ITGA8: variants seen among roughly 807,000 people sequenced by gnomAD.
The protein encoded by ITGA8 is integrin subunit alpha 8.
In ITGA8, 91 loss-of-function variants were observed where a neutral mutation model predicts 142.3. That is an observed-to-expected ratio of 0.64 (90% CI 0.54 to 0.76). ITGA8 has a LOEUF of 0.76. ITGA8 is among the 30% of genes least tolerant of loss of function. The probability of loss-of-function intolerance (pLI) is 0.00; values close to 1 mark genes in which losing one functional copy is unlikely to be tolerated. For synonymous variants in ITGA8, 505 were observed against 485.2 expected (o/e 1.04, Z -0.54); for missense variants, 1,406 against 1,327.7 (o/e 1.06, Z -0.92).
chr10:15,676,879 G>A (rs1421841770), intron 6 of ITGA8, among the ~76,000 whole-genome samples: 4 of 152,006 alleles, frequency 2.6e-5, no homozygotes, highest in African/African-American at 7.2e-5. Context: ...CATGGTGGTG[G>A]GAACTTGTAT....
intron 25 of ITGA8, among the ~76,000 whole-genome samples, chr10:15,564,150 G>A (rs1834033004): frequency 6.6e-6 from 1 of 152,166 alleles, no homozygotes; most frequent in Admixed American, 6.5e-5. Context: ...TTGTGACACA[G>A]TTTTACAAAT....
chr10:15,610,082 A>C (rs1326267271), intron 15 of ITGA8, among the ~76,000 whole-genome samples: 1 of 152,114 alleles, frequency 6.6e-6, no homozygotes, highest in Admixed American at 6.6e-5. Context: ...CAAATGGATG[A>C]CTTTAACTTT....
At chr10:15,624,450 C>T (rs1184948395) in intron 13 of ITGA8, among the ~76,000 whole-genome samples, 1 of 152,138 alleles carries the variant, frequency 6.6e-6, no homozygotes, top group Non-Finnish European at 1.5e-5. Context: ...ATGTACAATC[C>T]AGGACTCTGC....
chr10:15,675,376 C>CTCCCTTACCACCTTTCT (rs1250373421), intron 6 of ITGA8, among the ~76,000 whole-genome samples: 7 of 152,212 alleles, frequency 4.6e-5, no homozygotes, highest in Non-Finnish European at 8.8e-5. Flanking sequence ...GTCAGAAACA[C>CTCCCTTACCACCTTTCT]TCCCTTACCA....
chr10:15,543,847 G>C (rs1833619572), intron 27 of ITGA8, among the ~76,000 whole-genome samples: 1 of 152,126 alleles, frequency 6.6e-6, no homozygotes, highest in Non-Finnish European at 1.5e-5. Context: ...GACTGTACTG[G>C]GATTAGGGTG....
intron 19 of ITGA8, among the ~76,000 whole-genome samples, chr10:15,605,390 C>T (rs1299958616): frequency 6.6e-6 from 1 of 151,748 alleles, no homozygotes; most frequent in Non-Finnish European, 1.5e-5. Context: ...TAGATGGAAC[C>T]TGCCTGTCTG....
In ITGA8 at chr10:15,719,614, T is replaced by C. The variant is rs1013453104; in HGVS notation, c.158A>G (p.Lys53Arg). The C allele has an allele frequency of 2.6e-6, 4 of 1,561,536 alleles. No homozygotes were observed. In the African/African-American group the frequency reaches 5.7e-5, roughly 22 times the overall value. The change falls in exon 1 of 30, where the codon AAG becomes AGG. Residue 53 changes from lysine (K) to arginine (R), a missense_variant. Lys to Arg is a conservative substitution (Grantham distance 26). Transcript: ENST00000378076. ...VEKLTVYSGP[K>R]GSYFGYAVDF... is the part of the protein sequence containing the mutation. ...CACGGCGTAGCCGAAGTAGCTGCCC[T>C]TGGGGCCGCTGTACACTGTGAGCTT...
chr10:15,579,045 T>G lies in ITGA8; in HGVS notation c.2373-3451A>C, dbSNP rs541307010. Among the ~76,000 whole-genome samples, 160 of 152,234 alleles carry G rather than the reference T, an allele frequency of 1.1e-3. 1 individual carries two copies. Among genetic ancestry groups the G allele is most frequent in the African/African-American group, 3.7e-3 (155 of 41,564 alleles). On this transcript the variant is annotated intron_variant, in intron 23 of 29. Coordinates refer to ENST00000378076, the MANE Select transcript of ITGA8 (RefSeq NM_003638.3). ...CTGCTTAAAATAATGCATGATAAATTACATCAGAATAAACACCATGGACCA... is the reference window on the plus strand; with the variant it reads ...CTGCTTAAAATAATGCATGATAAATGACATCAGAATAAACACCATGGACCA...
At chr10:15,592,634 T>A (rs1431439242) in intron 21 of ITGA8, among the ~76,000 whole-genome samples, 2 of 152,236 alleles carry the variant, frequency 1.3e-5, no homozygotes, top group Non-Finnish European at 2.9e-5. Flanking sequence ...AGACAGGGTC[T>A]CGCTCCGTCA....
intron 25 of ITGA8, among the ~76,000 whole-genome samples, chr10:15,569,480 G>A (rs1254107825): frequency 1.3e-5 from 2 of 152,182 alleles, no homozygotes; most frequent in African/African-American, 2.4e-5. Context: ...AGTAAGATTG[G>A]ATACTGGAAT....
intron 13 of ITGA8, among the ~76,000 whole-genome samples, chr10:15,629,369 T>C (rs1833643394): frequency 6.6e-6 from 1 of 152,028 alleles, no homozygotes; most frequent in African/African-American, 2.4e-5. Context: ...TAGCATATCT[T>C]TATAAGTGCA....
chr10:15,618,716 C>G (rs1426776173), intron 13 of ITGA8, among the ~76,000 whole-genome samples: 1 of 152,232 alleles, frequency 6.6e-6, no homozygotes, highest in African/African-American at 2.4e-5. Flanking sequence ...CTCCATCTTT[C>G]TCCCATGCTG....
At chr10:15,533,055 C>T (rs1488645320) in intron 27 of ITGA8, among the ~76,000 whole-genome samples, 1 of 152,080 alleles carries the variant, frequency 6.6e-6, no homozygotes, top group Non-Finnish European at 1.5e-5. Flanking sequence ...TTTTCCTTCC[C>T]AGAAAGTAGT....
At chr10:15,695,028 A>G (rs1014797004) in intron 2 of ITGA8, among the ~76,000 whole-genome samples, 1 of 152,170 alleles carries the variant, frequency 6.6e-6, no homozygotes, top group Non-Finnish European at 1.5e-5. Flanking sequence ...AAAATAAGCC[A>G]GCTCTGAACG....
At chr10:15,604,578 CAAAAA>C (rs35672275) in intron 19 of ITGA8, among the ~76,000 whole-genome samples, 7 of 86,356 alleles carry the variant, frequency 8.1e-5, no homozygotes, top group Admixed American at 1.3e-4. Flanking sequence ...AACCAGTTCT[CAAAAA>C]AAAAAAAAAA....
At chr10:15,552,413 C>T (rs890354284) in intron 26 of ITGA8, among the ~76,000 whole-genome samples, 2 of 152,220 alleles carry the variant, frequency 1.3e-5, no homozygotes, top group African/African-American at 4.8e-5. Flanking sequence ...GCTGGGATTA[C>T]AAGCATGAGA....
intron 2 of ITGA8, among the ~76,000 whole-genome samples, chr10:15,689,630 A>G (rs1588726090): frequency 1.3e-5 from 2 of 152,194 alleles, no homozygotes; most frequent in African/African-American, 2.4e-5. Flanking sequence ...TCCTGTGACC[A>G]GAGCAGCTAC....
chr10:15,645,853 G>A (rs1356405495), intron 12 of ITGA8, among the ~76,000 whole-genome samples: 1 of 152,026 alleles, frequency 6.6e-6, no homozygotes, highest in Non-Finnish European at 1.5e-5. Flanking sequence ...CTGAGGAGAG[G>A]GTACTTGGAG....
At chr10:15,539,178 G>A (rs981574487) in intron 27 of ITGA8, among the ~76,000 whole-genome samples, 4 of 152,038 alleles carry the variant, frequency 2.6e-5, no homozygotes, top group Non-Finnish European at 5.9e-5. Flanking sequence ...AAGTGAGAAG[G>A]AGTTCGTGAC....
Sources: allele counts gnomAD v4.1 joint callset (sites outside exome capture counted in the v4.1 genomes callset), GRCh38; gene constraint gnomAD v4.1.1; transcripts MANE v1.5; gene names NCBI Gene and HGNC (gene_info 2026-07-23, HGNC 2026-07-21).